Variants in PIGN observed in about 807,000 individuals in gnomAD.
The protein encoded by PIGN is phosphatidylinositol glycan anchor biosynthesis class N.
Under a neutral mutation model 125.4 loss-of-function variants are expected in PIGN, and 117 were observed. The ratio of observed to expected loss-of-function variants is 0.93; its 90% CI spans 0.80 to 1.09. The LOEUF (loss-of-function observed/expected upper bound fraction) is 1.09, where lower values mean the gene tolerates loss of function less well. Ranked by LOEUF, PIGN falls within the 50% of genes least tolerant of loss-of-function variation. PIGN has a pLI of 0.00. For synonymous variants in PIGN, 392 were observed against 377.8 expected (o/e 1.04, Z -0.44); for missense variants, 1,075 against 1,094.9 (o/e 0.98, Z 0.26).
intron 30 of PIGN, among the ~76,000 whole-genome samples, chr18:62,049,105 T>A (rs866972628): frequency 0.022 from 3,264 of 151,200 alleles, 50 homozygotes; most frequent in African/African-American, 0.055. Flanking sequence ...TCTATCATTG[T>A]TGGACATTTG....
At chr18:62,033,813 T>C (rs559866577) in intron 23 of PIGN, among the ~76,000 whole-genome samples, 4 of 152,358 alleles carry the variant, frequency 2.6e-5, no homozygotes, top group African/African-American at 7.2e-5. Context: ...AAGAAGCTAA[T>C]GTTCTTATTC....
chr18:62,096,511 A>ATTTTT (rs2034196258), intron 22 of PIGN, among the ~76,000 whole-genome samples: 3 of 44,036 alleles, frequency 6.8e-5, no homozygotes, highest in Non-Finnish European at 1.2e-4. Context: ...AAAATGAATT[A>ATTTTT]TTTTCTTTTT....
chr18:62,077,722 T>A lies in PIGN; in HGVS notation c.2577-2901A>T, dbSNP rs537623480. On this transcript the variant is annotated intron_variant, in intron 28 of 30. Coordinates refer to ENST00000640252, the MANE Select transcript of PIGN (RefSeq NM_176787.5). ...TCATTCTCACTCCTTAAACAAAAGC[T>A]TTAAATGAAATTAAAGATATAATCT... Among the ~76,000 whole-genome samples the A allele has an allele frequency of 3.3e-4, 50 of 152,344 alleles. No homozygotes were observed. In the South Asian group the frequency reaches 8.9e-3, roughly 27 times the overall value.
intron 30 of PIGN, among the ~76,000 whole-genome samples, chr18:62,063,870 T>C (rs556732880): frequency 3.7e-5 from 5 of 135,322 alleles, no homozygotes; most frequent in African/African-American, 5.6e-5. Flanking sequence ...TAGGTGGGAA[T>C]TGAACAATGA....
intron 29 of PIGN, among the ~76,000 whole-genome samples, 178 bp downstream of exon 29, chr18:62,074,601 A>G (rs945529122): frequency 2.6e-5 from 4 of 152,216 alleles, no homozygotes; most frequent in African/African-American, 9.6e-5. Context: ...ACACCTGAAG[A>G]AGAGCACACA....
At chr18:62,146,935 A>T (rs750771648) in intron 9 of PIGN, 36 bp downstream of exon 9, 1 of 1,595,506 alleles carries the variant, frequency 6.3e-7, no homozygotes, top group Non-Finnish European at 8.6e-7. Flanking sequence ...TCACTACTTT[A>T]ATTGTAAGGT....
At chr18:62,112,145 T>C (rs537445122) in intron 16 of PIGN, among the ~76,000 whole-genome samples, 1 of 152,296 alleles carries the variant, frequency 6.6e-6, no homozygotes, top group South Asian at 2.1e-4. Flanking sequence ...GTTCTAAGAA[T>C]GCCTAGATAC....
At chr18:62,115,203 C>T (rs552588109) in intron 14 of PIGN, among the ~76,000 whole-genome samples, 92 of 152,272 alleles carry the variant, frequency 6.0e-4, no homozygotes, top group African/African-American at 2.2e-3. Flanking sequence ...TCTCTTTCCA[C>T]CATTTCCCTA....
intron 14 of PIGN, among the ~76,000 whole-genome samples, chr18:62,130,866 A>C (rs2035708635): frequency 6.6e-6 from 1 of 152,200 alleles, no homozygotes; most frequent in Non-Finnish European, 1.5e-5. Context: ...AGACAGAGAA[A>C]GCAGGATAAA....
intron 15 of PIGN, among the ~76,000 whole-genome samples, chr18:62,113,861 A>G (rs2034980481): frequency 6.6e-6 from 1 of 152,196 alleles, no homozygotes; most frequent in African/African-American, 2.4e-5. Context: ...ACCATTTAAC[A>G]AAGAAAAATT....
intron 21 of PIGN, 32 bp downstream of exon 21, chr18:62,102,762 G>T: frequency 1.0e-6 from 1 of 972,684 alleles, no homozygotes; most frequent in Non-Finnish European, 1.6e-6. Flanking sequence ...TATATCATTA[G>T]TATAACATAG....
intron 30 of PIGN, among the ~76,000 whole-genome samples, chr18:62,057,729 A>G (rs2031831513): frequency 6.6e-6 from 1 of 152,206 alleles, no homozygotes; most frequent in Admixed American, 6.5e-5. Context: ...GTGATAGCAA[A>G]TATCTACTCT....
chr18:62,066,305 C>G (rs1176797194), intron 30 of PIGN, among the ~76,000 whole-genome samples: 1 of 152,204 alleles, frequency 6.6e-6, no homozygotes, highest in Non-Finnish European at 1.5e-5. Context: ...AGCTCAACCA[C>G]TGATCGACTC....
intron 14 of PIGN, chr18:62,123,428 A>C (rs1156441319): frequency 6.6e-6 from 1 of 152,164 alleles, no homozygotes; most frequent in Non-Finnish European, 1.5e-5. Context: ...GTGAAAAAGA[A>C]GGCACATTAA....
intron 22 of PIGN, among the ~76,000 whole-genome samples, chr18:62,096,334 T>C (rs1036330918): frequency 6.6e-6 from 1 of 151,860 alleles, no homozygotes; most frequent in African/African-American, 2.4e-5. Flanking sequence ...AATAATCTAG[T>C]ATCATTTATG....
intron 1 of PIGN, among the ~76,000 whole-genome samples, chr18:62,185,127 C>A (rs2037850195): frequency 1.3e-5 from 2 of 152,160 alleles, no homozygotes; most frequent in African/African-American, 4.8e-5. Context: ...TGTATATAAA[C>A]AATCCATTTC....
intron 14 of PIGN, among the ~76,000 whole-genome samples, chr18:62,115,449 A>T (rs1345931187): frequency 6.6e-6 from 1 of 152,224 alleles, no homozygotes; most frequent in Non-Finnish European, 1.5e-5. Context: ...TTTACATTTT[A>T]AAAATGCATG....
chr18:62,150,862 C>T lies in PIGN; in HGVS notation c.550-2524G>A, dbSNP rs547015862. ...GACTACAGGCACGTGCCACCATGCC[C>T]GGCTAATTTTTGTATTTTTAGTAGA... On this transcript the variant is annotated intron_variant, in intron 7 of 30. Transcript: ENST00000640252. 9.9e-5 allele frequency among the ~76,000 whole-genome samples: 15 copies of T among 151,984 alleles called. No homozygotes were observed. The South Asian group carries it at 1.9e-3, about 19-fold the overall frequency.
chr18:62,040,248 C>T (rs1429662516), downstream of PIGN, among the ~76,000 whole-genome samples: 2 of 147,648 alleles, frequency 1.4e-5, no homozygotes, highest in Non-Finnish European at 3.0e-5. Flanking sequence ...ATCCAGGGTG[C>T]CGCACCCCAT....
Sources: gnomAD v4.1 joint callset for allele counts (sites outside exome capture counted in the v4.1 genomes callset) on GRCh38, gnomAD v4.1.1 for gene constraint, MANE v1.5 for transcripts, NCBI Gene and HGNC (gene_info 2026-07-23, HGNC 2026-07-21) for gene names.